TFAP2D: variants seen among roughly 807,000 people sequenced by gnomAD.
TFAP2D encodes transcription factor AP-2 delta, also known as transcription factor AP-2-delta.
TFAP2D carries 9 observed loss-of-function variants against 43.6 expected under a neutral mutation model. That is an observed-to-expected ratio of 0.21 (90% confidence interval 0.12 to 0.36). TFAP2D has a LOEUF of 0.36. TFAP2D is among the 10% of genes least tolerant of loss of function. TFAP2D has a pLI of 1.00. For synonymous variants in TFAP2D, 256 were observed against 224.9 expected, an observed-to-expected ratio of 1.14 and a Z score of -1.24; for missense variants, 513 against 561.4, an observed-to-expected ratio of 0.91 and a Z score of 0.87.
chr6:50,723,447 T>C lies in TFAP2D; in HGVS notation c.598+4297T>C, dbSNP rs182948853. ...AGGAGCGTGGGAAGCCTTGCTCTTC[T>C]TCCTTTGTCAGTACTCTTCGGATTC... On this transcript the variant is annotated intron_variant, in intron 3 of 7. Coordinates refer to ENST00000008391, the MANE Select transcript of TFAP2D (RefSeq NM_172238.4). Among the ~76,000 whole-genome samples, 280 of 152,294 alleles carry C rather than the reference T, an allele frequency of 1.8e-3. 2 individuals are homozygous for C. Among genetic ancestry groups the C allele is most frequent in the African/African-American group, 6.4e-3 (267 of 41,564 alleles).
chr6:50,722,575 T>C (rs1768744143), intron 3 of TFAP2D, among the ~76,000 whole-genome samples: 1 of 152,060 alleles, frequency 6.6e-6, no homozygotes, highest in South Asian at 2.1e-4. Flanking sequence ...CAGACACCGG[T>C]CCCTTTCATT....
At chr6:50,765,566 G>A (rs1232436676) in intron 7 of TFAP2D, among the ~76,000 whole-genome samples, 5 of 152,192 alleles carry the variant, frequency 3.3e-5, no homozygotes. Context: ...TAACAAATGT[G>A]AAGTGATATC....
At position 50,715,472 on chromosome 6, in the gene TFAP2D, G is replaced by A. The variant is rs1768604623; in HGVS notation, c.396G>A (p.Arg132=). The change falls in exon 2 of 8, where the codon CGG becomes CGA. Residue 132 remains arginine, a synonymous_variant. Coordinates refer to ENST00000008391, the MANE Select transcript of TFAP2D (RefSeq NM_172238.4). The part of the protein sequence containing the change: ...LKSSCLDEQR[R]ELGCLDAYRR... The stretch of plus-strand genomic sequence containing the variant: ...CGTCCTGCCTGGACGAGCAGAGGCG[G>A]GAGCTGGGCTGCCTCGATGCCTACC... The A allele has an allele frequency of 1.2e-6, 2 of 1,614,008 alleles. No homozygotes were observed. Among genetic ancestry groups the A allele is most frequent in the Non-Finnish European group, 1.7e-6 (2 of 1,180,026 alleles).
At chr6:50,749,929 C>T (rs1030166629) in intron 6 of TFAP2D, among the ~76,000 whole-genome samples, 1 of 151,842 alleles carries the variant, frequency 6.6e-6, no homozygotes, top group African/African-American at 2.4e-5. Flanking sequence ...CTCCTTTTTA[C>T]TTTCACCTGT....
At chr6:50,760,867 C>A (rs1398040171) in intron 7 of TFAP2D, among the ~76,000 whole-genome samples, 2 of 151,094 alleles carry the variant, frequency 1.3e-5, no homozygotes, top group Admixed American at 1.3e-4. Context: ...CGGAGAAGAC[C>A]TACAATTCTT....
At chr6:50,714,721 C>A (rs1023094027) in intron 1 of TFAP2D, among the ~76,000 whole-genome samples, 1 of 152,094 alleles carries the variant, frequency 6.6e-6, no homozygotes, top group Non-Finnish European at 1.5e-5. Flanking sequence ...CGGGTGGACT[C>A]GTTCCTCTGC....
At position 50,730,830 on chromosome 6, in the gene TFAP2D, T is replaced by C. The variant is rs548246835; in HGVS notation, c.883+1518T>C. On this transcript the variant is annotated intron_variant, in intron 5 of 7. Coordinates refer to ENST00000008391, the MANE Select transcript of TFAP2D (RefSeq NM_172238.4). Reference sequence around the variant, plus strand: ...CTCCCCAGGTGATTCTGATGTATAGTGGTGTTTAAATATCATTGATTTAAT... The same window carrying C: ...CTCCCCAGGTGATTCTGATGTATAGCGGTGTTTAAATATCATTGATTTAAT... Among the ~76,000 whole-genome samples the C allele has an allele frequency of 2.0e-5, 3 of 152,228 alleles. No individual in the cohort carries two copies. The South Asian group carries it at 6.2e-4, about 32-fold the overall frequency.
chr6:50,716,303 C>G (rs1361433995), intron 2 of TFAP2D, among the ~76,000 whole-genome samples: 1 of 152,164 alleles, frequency 6.6e-6, no homozygotes, highest in East Asian at 1.9e-4. Context: ...GCCTGACGTG[C>G]ACTCAAAACC....
chr6:50,728,847 T>TC lies in TFAP2D; in HGVS notation c.599-8dup. 1 of 1,613,200 alleles carries TC rather than the reference T, an allele frequency of 6.2e-7. No individual in the cohort carries two copies. The highest frequency in any genetic ancestry group is 1.3e-5 in the African/African-American group (1 of 74,992). On this transcript the variant is annotated splice_polypyrimidine_tract_variant and intron_variant, in intron 3 of 7. Transcript: ENST00000008391. ...TCACTAACATGTTATATACTTTTTT[T>TC]CTCCCAAGGTGGCACCTGTGTGGTC...
At chr6:50,717,185 A>G (rs927962634) in intron 2 of TFAP2D, among the ~76,000 whole-genome samples, 1 of 152,180 alleles carries the variant, frequency 6.6e-6, no homozygotes, top group African/African-American at 2.4e-5. Context: ...GCTAGGCACA[A>G]AGCCGAGCAT....
chr6:50,733,896 G>C (rs997735795), intron 5 of TFAP2D, among the ~76,000 whole-genome samples: 3 of 151,900 alleles, frequency 2.0e-5, no homozygotes, highest in Non-Finnish European at 2.9e-5. Context: ...TGAAAGTATA[G>C]ATTATTTAAG....
chr6:50,725,423 C>A (rs1768793853), intron 3 of TFAP2D, among the ~76,000 whole-genome samples: 2 of 152,170 alleles, frequency 1.3e-5, no homozygotes, highest in African/African-American at 4.8e-5. Context: ...AAATAGTGAA[C>A]TTTGTGAAAG....
chr6:50,742,795 T>G (rs1769070573), intron 5 of TFAP2D, among the ~76,000 whole-genome samples: 1 of 152,098 alleles, frequency 6.6e-6, no homozygotes, highest in South Asian at 2.1e-4. Context: ...AAGCCTAAGG[T>G]CCACATGAGT....
At chr6:50,734,967 C>T (rs1209851872) in intron 5 of TFAP2D, among the ~76,000 whole-genome samples, 2 of 152,014 alleles carry the variant, frequency 1.3e-5, no homozygotes, top group Admixed American at 6.6e-5. Context: ...TTTCTGGAGT[C>T]AAACTTGTCT....
intron 5 of TFAP2D, among the ~76,000 whole-genome samples, chr6:50,740,638 C>T (rs1025514554): frequency 7.9e-5 from 12 of 151,990 alleles, no homozygotes; most frequent in Non-Finnish European, 1.0e-4. Flanking sequence ...GGGGTTTCAC[C>T]ATCTTGGCCA....
At chr6:50,726,797 G>A (rs1768814232) in intron 3 of TFAP2D, among the ~76,000 whole-genome samples, 1 of 152,142 alleles carries the variant, frequency 6.6e-6, no homozygotes, top group Non-Finnish European at 1.5e-5. Flanking sequence ...GATAACAAAA[G>A]TGAAATGGTA....
intron 6 of TFAP2D, among the ~76,000 whole-genome samples, chr6:50,746,170 T>G (rs1769122396): frequency 6.6e-6 from 1 of 152,194 alleles, no homozygotes; most frequent in African/African-American, 2.4e-5. Context: ...TTAGAACTGA[T>G]AGTTTCAGCT....
At chr6:50,756,415 G>T (rs572675934) in intron 7 of TFAP2D, among the ~76,000 whole-genome samples, 7 of 152,170 alleles carry the variant, frequency 4.6e-5, no homozygotes, top group African/African-American at 9.6e-5. Flanking sequence ...ATTCTATTTA[G>T]TTAAACCTCC....
chr6:50,749,716 A>G (rs1344458183), intron 6 of TFAP2D, among the ~76,000 whole-genome samples: 1 of 151,932 alleles, frequency 6.6e-6, no homozygotes, highest in Non-Finnish European at 1.5e-5. Flanking sequence ...GAAAACAGGT[A>G]TATTTCATAA....
Sources: gnomAD v4.1 joint callset for allele counts (sites outside exome capture counted in the v4.1 genomes callset) on GRCh38, gnomAD v4.1.1 for gene constraint, MANE v1.5 for transcripts, NCBI Gene and HGNC (gene_info 2026-07-23, HGNC 2026-07-21) for gene names.